The following GRIK2 variants were observed in gnomAD, a reference collection of about 807,000 sequenced individuals.
The protein encoded by GRIK2 is glutamate receptor ionotropic, kainate 2.
Under a neutral mutation model 100.3 loss-of-function variants are expected in GRIK2, and 32 were observed. That is an observed-to-expected ratio of 0.32 (90% CI 0.24 to 0.43). The LOEUF (loss-of-function observed/expected upper bound fraction) is 0.43. Ranked by LOEUF, GRIK2 falls within the 20% of genes least tolerant of loss-of-function variation. GRIK2 has a pLI of 1.00. For missense variants in GRIK2, 843 were observed against 1,114.9 expected, an observed-to-expected ratio of 0.76 and a Z score of 3.47; for synonymous variants, 417 against 389.4, an observed-to-expected ratio of 1.07 and a Z score of -0.83.
At position 101,877,506 on chromosome 6, in the gene GRIK2, C is replaced by T. The variant is rs1250241201; in HGVS notation, c.1525-12134C>T. On this transcript the variant is annotated intron_variant, in intron 11 of 16. Coordinates refer to ENST00000369134, the MANE Select transcript of GRIK2 (RefSeq NM_021956.5). ...ATACTTCATATAAAGGATTTGAGCA[C>T]CGATGAATTTTGGTATTCGACAGGG... Among the ~76,000 whole-genome samples the T allele has an allele frequency of 3.3e-5, 5 of 151,844 alleles. No individual in the cohort carries two copies. The Admixed American group carries it at 3.3e-4, about 10-fold the overall frequency.
intron 13 of GRIK2, chr6:101,927,742 A>G (rs1789996707): frequency 1.3e-5 from 2 of 152,124 alleles, no homozygotes; most frequent in African/African-American, 4.8e-5. Flanking sequence ...ATAAAAATAA[A>G]TGTGACAATT....
At chr6:101,792,979 C>T (rs9498708) in intron 7 of GRIK2, among the ~76,000 whole-genome samples, 2 of 151,926 alleles carry the variant, frequency 1.3e-5, no homozygotes, top group Non-Finnish European at 2.9e-5. Flanking sequence ...CACTGATACC[C>T]TTTCTTCCAG....
chr6:101,810,160 A>G (rs971976636), intron 9 of GRIK2, among the ~76,000 whole-genome samples: 5 of 151,804 alleles, frequency 3.3e-5, no homozygotes, highest in African/African-American at 4.8e-5. Context: ...ATCAAATCTG[A>G]CCTACATTTT....
intron 14 of GRIK2, among the ~76,000 whole-genome samples, chr6:102,016,287 A>G (rs1289119093): frequency 6.6e-6 from 1 of 152,188 alleles, no homozygotes; most frequent in Non-Finnish European, 1.5e-5. Flanking sequence ...TAGCCAGTAT[A>G]GAAAAAGAAT....
rs1421454882 is a variant in GRIK2 at position 101,547,768 on chromosome 6, C to T, written c.116-74181C>T. Among the ~76,000 whole-genome samples, 13 of 151,566 alleles carry T rather than the reference C, an allele frequency of 8.6e-5. No individual in the cohort carries two copies. The East Asian group carries it at 1.7e-3, about 20-fold the overall frequency. ...AAGTCTTTGCTCTTGTGAATAGTGC[C>T]GCAATAAACATACATGTGCATGTGT... is the stretch of plus-strand genomic sequence containing the variant. On this transcript the variant is annotated intron_variant, in intron 2 of 16. Coordinates refer to ENST00000369134, the MANE Select transcript of GRIK2 (RefSeq NM_021956.5).
At chr6:102,054,492 A>G (rs779529998) in intron 15 of GRIK2, among the ~76,000 whole-genome samples, 1 of 152,168 alleles carries the variant, frequency 6.6e-6, no homozygotes, top group Non-Finnish European at 1.5e-5. Context: ...TGGAACAGAT[A>G]TAGAAAAATG....
rs1775142418 is a variant in GRIK2 at position 101,399,174 on chromosome 6, C to A, written c.-104C>A. 3 of 721,000 alleles carry A rather than the reference C, an allele frequency of 4.2e-6. No individual in the cohort carries two copies. Among genetic ancestry groups the A allele is most frequent in the South Asian group, 3.1e-5 (2 of 64,676 alleles). 44.7% of individuals were successfully genotyped at this position (721,000 alleles called of 1,614,324 possible). ...CCTCTCTCTATGACCATGCCGTGAT[C>A]GTGTCTGCGGTCACCACTCGACGCA... On this transcript the variant is annotated 5_prime_UTR_variant, in exon 2 of 17. Transcript: ENST00000369134.
At chr6:101,763,810 G>T (rs1210101850) in intron 7 of GRIK2, among the ~76,000 whole-genome samples, 1 of 151,730 alleles carries the variant, frequency 6.6e-6, no homozygotes, top group Non-Finnish European at 1.5e-5. Context: ...ATATTATTTG[G>T]AAAAGAGGCC....
rs370413079 is a variant in GRIK2, at chr6:101,872,126, CT to C, written c.1524+12635del. ...ATGTGGTTTTCATAATAATTGTATA[CT>C]TCACATTGCAATCACCCAGGAATAT... On this transcript the variant is annotated intron_variant, in intron 11 of 16. Coordinates refer to ENST00000369134, the MANE Select transcript of GRIK2 (RefSeq NM_021956.5). Among the ~76,000 whole-genome samples the C allele has an allele frequency of 4.5e-4, 68 of 151,980 alleles. 1 individual carries two copies. In the East Asian group the frequency reaches 0.013, roughly 29 times the overall value.
chr6:101,721,973 A>T (rs996766449), intron 7 of GRIK2, among the ~76,000 whole-genome samples: 1 of 152,016 alleles, frequency 6.6e-6, no homozygotes, highest in Admixed American at 6.6e-5. Flanking sequence ...AAGAAAGTTA[A>T]ATCTATGTCA....
intron 7 of GRIK2, among the ~76,000 whole-genome samples, chr6:101,721,867 C>A (rs1774509800): frequency 6.6e-6 from 1 of 151,382 alleles, no homozygotes; most frequent in Non-Finnish European, 1.5e-5. Context: ...TTACTTCTCA[C>A]AAAAAAAAGA....
intron 15 of GRIK2, among the ~76,000 whole-genome samples, chr6:102,053,277 A>G (rs1172146429): frequency 6.6e-6 from 1 of 152,204 alleles, no homozygotes; most frequent in Non-Finnish European, 1.5e-5. Context: ...TTCCCCATTA[A>G]GTAAGCATTT....
chr6:101,980,922 C>T (rs1361448), intron 14 of GRIK2, among the ~76,000 whole-genome samples: 15,906 of 132,836 alleles, frequency 0.12, 2,520 homozygotes, highest in African/African-American at 0.37. Context: ...GAACAGGCAA[C>T]TTAGATTAGT....
At chr6:101,624,316 T>A (rs1780322680) in intron 3 of GRIK2, among the ~76,000 whole-genome samples, 1 of 152,154 alleles carries the variant, frequency 6.6e-6, no homozygotes, top group Admixed American at 6.6e-5. Flanking sequence ...TTATCTTCAG[T>A]ATATATGAAT....
At chr6:101,479,864 T>G (rs1772437529) in intron 2 of GRIK2, among the ~76,000 whole-genome samples, 1 of 152,198 alleles carries the variant, frequency 6.6e-6, no homozygotes, top group Non-Finnish European at 1.5e-5. Context: ...AAGACAATAT[T>G]TTAATTTCCT....
intron 2 of GRIK2, among the ~76,000 whole-genome samples, chr6:101,513,531 C>T (rs1193736689): frequency 6.6e-6 from 1 of 152,144 alleles, no homozygotes; most frequent in Non-Finnish European, 1.5e-5. Flanking sequence ...TTTGCAGGGG[C>T]ATTTCAAAAT....
At chr6:101,590,638 A>ATTT (rs1778598921) in intron 2 of GRIK2, among the ~76,000 whole-genome samples, 1 of 151,858 alleles carries the variant, frequency 6.6e-6, no homozygotes, top group African/African-American at 2.4e-5. Context: ...CCTCACACGT[A>ATTT]TTTTTGTCAT....
At chr6:102,004,864 T>A (rs1254191553) in intron 14 of GRIK2, among the ~76,000 whole-genome samples, 1 of 151,844 alleles carries the variant, frequency 6.6e-6, no homozygotes, top group Non-Finnish European at 1.5e-5. Flanking sequence ...AGTGCATTTT[T>A]TTTTTCTTTC....
At chr6:101,414,533 T>A (rs925541073) in intron 2 of GRIK2, among the ~76,000 whole-genome samples, 3 of 152,154 alleles carry the variant, frequency 2.0e-5, no homozygotes, top group Non-Finnish European at 4.4e-5. Flanking sequence ...TGTTCACTTC[T>A]CATGTCTCTC....
Sources: gnomAD v4.1 joint callset for allele counts (sites outside exome capture counted in the v4.1 genomes callset) on GRCh38, gnomAD v4.1.1 for gene constraint, MANE v1.5 for transcripts, NCBI Gene and HGNC (gene_info 2026-07-23, HGNC 2026-07-21) for gene names.